GLI3: variants seen among roughly 807,000 people sequenced by gnomAD.
GLI3 encodes the protein transcription activator GLI3.
In GLI3, 20 loss-of-function variants were observed where a neutral mutation model predicts 100.8. That is an observed-to-expected ratio of 0.20 (90% CI 0.14 to 0.29). GLI3 has a LOEUF of 0.29. Ranked by LOEUF, GLI3 falls within the 10% of genes least tolerant of loss-of-function variation. The probability of loss-of-function intolerance (pLI) is 1.00; values close to 1 mark genes in which losing one functional copy is unlikely to be tolerated. For missense variants in GLI3, 2,040 were observed against 2,128.5 expected, an observed-to-expected ratio of 0.96 and a Z score of 0.82; for synonymous variants, 938 against 860.5, an observed-to-expected ratio of 1.09 and a Z score of -1.58.
Position 42,138,312 on chromosome 7 carries a change from G to A in GLI3, c.367+9914C>T, listed in dbSNP as rs115740974. 2.6e-3 allele frequency among the ~76,000 whole-genome samples: 401 copies of A among 152,262 alleles called. 3 individuals are homozygous for A. The highest frequency in any genetic ancestry group is 8.8e-3 in the African/African-American group (365 of 41,540). ...ATTGTTCACTATCTCCCACATCATC[G>A]ATCTGTGGCAATGTGATAAACACAT... On this transcript the variant is annotated intron_variant, in intron 3 of 14. Transcript: ENST00000395925.
At chr7:42,089,645 A>AT (rs1785176080) in intron 3 of GLI3, among the ~76,000 whole-genome samples, 1 of 152,174 alleles carries the variant, frequency 6.6e-6, no homozygotes. Flanking sequence ...TCTGCTCTCC[A>AT]TTTTGCCCAA....
chr7:42,105,535 G>A (rs996562985), intron 3 of GLI3, among the ~76,000 whole-genome samples: 1 of 152,184 alleles, frequency 6.6e-6, no homozygotes, highest in Non-Finnish European at 1.5e-5. Context: ...GGATGACGCC[G>A]TGGGGAAGGA....
chr7:42,183,290 T>C (rs931845829), intron 2 of GLI3, among the ~76,000 whole-genome samples: 2 of 152,286 alleles, frequency 1.3e-5, no homozygotes, highest in African/African-American at 2.4e-5. Flanking sequence ...AACACTATCA[T>C]ATTGGTGATG....
intron 1 of GLI3, among the ~76,000 whole-genome samples, chr7:42,254,643 C>T (rs929937021): frequency 6.6e-6 from 1 of 152,132 alleles, no homozygotes; most frequent in Admixed American, 6.6e-5. Flanking sequence ...TTTCTAAATG[C>T]CAGATATAAT....
chr7:42,025,221 T>G, intron 9 of GLI3, 43 bp downstream of exon 9: 1 of 1,328,210 alleles, frequency 7.5e-7, no homozygotes, highest in Non-Finnish European at 1.1e-6. Flanking sequence ...GACACCAGTC[T>G]TGGGAGGAGT....
At chr7:41,968,220 G>A (rs982306289) in intron 13 of GLI3, among the ~76,000 whole-genome samples, 3 of 152,076 alleles carry the variant, frequency 2.0e-5, no homozygotes, top group East Asian at 1.9e-4. Flanking sequence ...ATACTTCCTC[G>A]GTTCCAATCC....
rs1275283938 is a variant in GLI3, at chr7:41,965,830, G to T, written c.3243C>A (p.Asp1081Glu). The change falls in exon 15 of 15, where the codon GAC (aspartate) becomes GAA (glutamate). Residue 1081 changes from aspartate to glutamate, a missense_variant. By Grantham distance (45) the Asp-to-Glu change is conservative. Transcript: ENST00000395925. ...CCTCATCGTTCAGGTTGGCATCAGC[G>T]TCCATGGTCAGGGACTCCAGGGTGA... is the stretch of plus-strand genomic sequence containing the variant. The part of the protein sequence containing the change: ...ENVTLESLTM[D>E]ADANLNDEDF... 2 of 1,613,544 alleles carry T rather than the reference G, an allele frequency of 1.2e-6. No individual in the cohort carries two copies. Among genetic ancestry groups the T allele is most frequent in the Non-Finnish European group, 1.7e-6 (2 of 1,179,948 alleles).
At chr7:42,221,497 C>G (rs1412602477) in intron 2 of GLI3, among the ~76,000 whole-genome samples, 1 of 152,148 alleles carries the variant, frequency 6.6e-6, no homozygotes, top group Non-Finnish European at 1.5e-5. Context: ...CACACACCTA[C>G]ACACTCACGC....
intron 10 of GLI3, among the ~76,000 whole-genome samples, chr7:41,995,812 A>C (rs1249898428): frequency 2.0e-5 from 3 of 152,228 alleles, no homozygotes; most frequent in African/African-American, 7.2e-5. Flanking sequence ...CCATGCAGAC[A>C]TGCAGACACA....
At chr7:42,064,935 G>A (rs980459053) in intron 4 of GLI3, among the ~76,000 whole-genome samples, 1 of 152,062 alleles carries the variant, frequency 6.6e-6, no homozygotes, top group Non-Finnish European at 1.5e-5. Flanking sequence ...AGCCATATTG[G>A]GGGCTCACAG....
chr7:42,169,410 A>C (rs1027570152), intron 2 of GLI3, among the ~76,000 whole-genome samples: 1 of 151,862 alleles, frequency 6.6e-6, no homozygotes, highest in African/African-American at 2.4e-5. Flanking sequence ...TGAAAAAAAT[A>C]AAATTGAAAC....
chr7:42,114,074 T>C (rs1785785354), intron 3 of GLI3, among the ~76,000 whole-genome samples: 1 of 152,238 alleles, frequency 6.6e-6, no homozygotes, highest in Non-Finnish European at 1.5e-5. Context: ...AATCTGGACT[T>C]TCCAGTGATG....
upstream of GLI3, among the ~76,000 whole-genome samples, chr7:42,242,845 A>C (rs1308911056): frequency 1.3e-5 from 2 of 152,228 alleles, no homozygotes; most frequent in Non-Finnish European, 2.9e-5. Flanking sequence ...ATTTTGGTGA[A>C]TACAACCTCC....
chr7:42,094,953 G>A (rs1337516621), intron 3 of GLI3, among the ~76,000 whole-genome samples: 1 of 152,212 alleles, frequency 6.6e-6, no homozygotes, highest in Non-Finnish European at 1.5e-5. Context: ...TGAGGGAGCA[G>A]TGGGCAGAGG....
At chr7:42,107,498 G>A (rs907456472) in intron 3 of GLI3, among the ~76,000 whole-genome samples, 17 of 152,338 alleles carry the variant, frequency 1.1e-4, no homozygotes, top group African/African-American at 4.1e-4. Context: ...CAGTCACAGG[G>A]CTGACACTGA....
chr7:42,152,973 A>G (rs1786911346), intron 2 of GLI3, among the ~76,000 whole-genome samples: 2 of 152,156 alleles, frequency 1.3e-5, no homozygotes, highest in Admixed American at 6.5e-5. Context: ...ACCCCACACA[A>G]AGGCTGGAGC....
Position 42,140,030 on chromosome 7 carries a change from C to T in GLI3, c.367+8196G>A, listed in dbSNP as rs546228430. Among the ~76,000 whole-genome samples, 8 of 152,364 alleles carry T rather than the reference C, an allele frequency of 5.3e-5. No individual in the cohort carries two copies. The East Asian group carries it at 1.5e-3, about 29-fold the overall frequency. ...CACTTCCCTCCTGAAATTCACCCTC[C>T]AACCACAAAGATTCTTCTCAAGTCC... is the stretch of plus-strand genomic sequence containing the variant. On this transcript the variant is annotated intron_variant, in intron 3 of 14. Transcript: ENST00000395925.
chr7:41,985,331 C>T lies in GLI3; in HGVS notation c.1498-6583G>A, dbSNP rs142620424. ...TAAATGCAGCTTGAGTTAATTAATACACTGAACAGGATTCGATAATTTGAA... is the reference window on the plus strand; with the variant it reads ...TAAATGCAGCTTGAGTTAATTAATATACTGAACAGGATTCGATAATTTGAA... On this transcript the variant is annotated intron_variant, in intron 10 of 14. Coordinates refer to ENST00000395925, the MANE Select transcript of GLI3 (RefSeq NM_000168.6). Among the ~76,000 whole-genome samples, 194 of 152,292 alleles carry T rather than the reference C, an allele frequency of 1.3e-3. 1 individual carries two copies. Among genetic ancestry groups the T allele is most frequent in the African/African-American group, 4.5e-3 (187 of 41,550 alleles).
At chr7:42,133,815 C>T (rs1786354612) in intron 3 of GLI3, among the ~76,000 whole-genome samples, 1 of 152,064 alleles carries the variant, frequency 6.6e-6, no homozygotes, top group South Asian at 2.1e-4. Context: ...GGCGTGGTGG[C>T]TCCTGCCTAT....
Sources: allele counts gnomAD v4.1 joint callset (sites outside exome capture counted in the v4.1 genomes callset), GRCh38; gene constraint gnomAD v4.1.1; transcripts MANE v1.5; gene names NCBI Gene and HGNC (gene_info 2026-07-23, HGNC 2026-07-21).